Variants in NR6A1 observed in about 807,000 individuals in gnomAD.
The protein encoded by NR6A1 is nuclear receptor subfamily 6 group A member 1.
Under a neutral mutation model 59.1 loss-of-function variants are expected in NR6A1, and 7 were observed. That is an observed-to-expected ratio of 0.12 (90% CI 0.07 to 0.22). The LOEUF is 0.22. Ranked by LOEUF, NR6A1 falls within the 10% of genes least tolerant of loss-of-function variation. NR6A1 has a pLI of 1.00. For missense variants in NR6A1, 468 were observed against 611.6 expected, an observed-to-expected ratio of 0.77 and a Z score of 2.48; for synonymous variants, 243 against 236.1, an observed-to-expected ratio of 1.03 and a Z score of -0.27.
At chr9:124,654,875 T>TACACACACACACACACACACACAC (rs3983841) in intron 2 of NR6A1, among the ~76,000 whole-genome samples, 10 of 123,874 alleles carry the variant, frequency 8.1e-5, no homozygotes, top group Non-Finnish European at 1.3e-4. Context: ...TTTTTTTTTG[T>TACACACACACACACACACACACAC]ACACACACAC....
chr9:124,662,631 C>G (rs1314704485), intron 2 of NR6A1, among the ~76,000 whole-genome samples: 2 of 152,128 alleles, frequency 1.3e-5, no homozygotes, highest in Non-Finnish European at 2.9e-5. Context: ...ACAAGGCAAG[C>G]CTTCATAAAC....
rs188654930 is a variant in NR6A1 at position 124,584,208 on chromosome 9, A to G, written c.143-29638T>C. ...CTGCAACCTCCACCTCCCACGTTCA[A>G]GCGATTCTCCTGCCTCAGCCTCCCG... On this transcript the variant is annotated intron_variant, in intron 2 of 9. Transcript: ENST00000487099. 1.3e-3 allele frequency among the ~76,000 whole-genome samples: 201 copies of G among 151,734 alleles called. 2 individuals carry two copies. The highest frequency in any genetic ancestry group is 4.4e-3 in the African/African-American group (180 of 41,352).
chr9:124,724,218 A>G (rs1162186965), intron 2 of NR6A1, among the ~76,000 whole-genome samples: 2 of 152,184 alleles, frequency 1.3e-5, no homozygotes, highest in East Asian at 3.9e-4. Flanking sequence ...CTAATTATGT[A>G]AAAGATGAGC....
intron 2 of NR6A1, among the ~76,000 whole-genome samples, chr9:124,590,089 A>AAAAAAAAAT (rs1564192481): frequency 6.7e-6 from 1 of 149,458 alleles, no homozygotes; most frequent in Non-Finnish European, 1.5e-5. Flanking sequence ...AAAAAAAAAA[A>AAAAAAAAAT]AGCAAAGCTA....
intron 1 of NR6A1, among the ~76,000 whole-genome samples, chr9:124,736,700 G>T (rs1840029546): frequency 6.6e-6 from 1 of 151,948 alleles, no homozygotes; most frequent in Non-Finnish European, 1.5e-5. Context: ...ACAAAAGTTA[G>T]CCAGGTGTGG....
intron 2 of NR6A1, among the ~76,000 whole-genome samples, chr9:124,669,390 G>A (rs1837720032): frequency 6.6e-6 from 1 of 152,076 alleles, no homozygotes; most frequent in Non-Finnish European, 1.5e-5. Flanking sequence ...AATACTTACT[G>A]AACAACTTTG....
At chr9:124,740,434 T>C (rs1056607441) in intron 1 of NR6A1, among the ~76,000 whole-genome samples, 6 of 151,912 alleles carry the variant, frequency 3.9e-5, no homozygotes, top group African/African-American at 1.5e-4. Context: ...ACTTAGTCAA[T>C]TGCAATTCAA....
At position 124,611,774 on chromosome 9, in the gene NR6A1, A is replaced by AGAGAGAGAGAATGAGAGAGAAT. The variant is rs148472095; in HGVS notation, c.143-57205_143-57204insATTCTCTCTCATTCTCTCTCTC. On this transcript the variant is annotated intron_variant, in intron 2 of 9. Transcript: ENST00000487099. ...TAGAGAGAGAGAGAGAGAGAGAGAG[A>AGAGAGAGAGAATGAGAGAGAAT]GAGAGAGAATGAGAGAGAATGAGAG... 6.9e-4 allele frequency among the ~76,000 whole-genome samples: 73 copies of AGAGAGAGAGAATGAGAGAGAAT among 105,716 alleles called. 1 individual carries two copies. The highest frequency in any genetic ancestry group is 3.0e-3 in the African/African-American group (65 of 21,528). 69.4% of individuals were successfully genotyped at this position (105,716 alleles called of 152,430 possible). A position where few individuals can be genotyped will look rare whatever the true frequency, so the allele number is the denominator to read the frequency against.
At position 124,677,448 on chromosome 9, in the gene NR6A1, G is replaced by A. The variant is rs1027386976; in HGVS notation, c.142+55860C>T. ...AATTTTTGTATTTTTTTGTAGAGAC[G>A]GGGTTTCATCATGTTGCCCAGGCTA... On this transcript the variant is annotated intron_variant, in intron 2 of 9. Transcript: ENST00000487099. Among the ~76,000 whole-genome samples the A allele has an allele frequency of 3.0e-4, 46 of 151,816 alleles. 1 individual carries two copies. The highest frequency in any genetic ancestry group is 3.4e-4 in the Non-Finnish European group (23 of 67,942).
At chr9:124,588,944 A>AAAAC (rs1301694693) in intron 2 of NR6A1, among the ~76,000 whole-genome samples, 2 of 151,388 alleles carry the variant, frequency 1.3e-5, no homozygotes, top group African/African-American at 2.4e-5. Context: ...GAAAGAAAAA[A>AAAAC]AAAACAGTAT....
rs149592804 is a variant in NR6A1, at chr9:124,714,676, T to C, written c.142+18632A>G. Among the ~76,000 whole-genome samples the C allele has an allele frequency of 1.8e-3, 275 of 152,258 alleles. 3 individuals are homozygous for C. The highest frequency in any genetic ancestry group is 2.7e-3 in the Non-Finnish European group (186 of 68,016). On this transcript the variant is annotated intron_variant, in intron 2 of 9. Coordinates refer to ENST00000487099, the MANE Select transcript of NR6A1 (RefSeq NM_033334.4). The stretch of plus-strand genomic sequence containing the variant: ...TTTTAAAGTTACTAGAACTAACAAA[T>C]TTAACAATGTCACAAGATACAAATA...
At chr9:124,682,763 C>T (rs1409557860) in intron 2 of NR6A1, among the ~76,000 whole-genome samples, 1 of 152,132 alleles carries the variant, frequency 6.6e-6, no homozygotes, top group Non-Finnish European at 1.5e-5. Context: ...GTCACTGGGA[C>T]CAGAAAGTTT....
intron 2 of NR6A1, among the ~76,000 whole-genome samples, chr9:124,687,198 T>C (rs1028507419): frequency 1.3e-5 from 2 of 151,962 alleles, no homozygotes; most frequent in African/African-American, 4.8e-5. Flanking sequence ...TAGAGCTCAC[T>C]GTAGCCTCAA....
In NR6A1 at chr9:124,520,937, C is replaced by T. The variant is rs1209899604; in HGVS notation, c.*1768G>A. On this transcript the variant is annotated 3_prime_UTR_variant, in exon 10 of 10. Transcript: ENST00000487099. ...GATCCATCAAGGGCCAAAATCATCACTCTGCTGGTACCCGTAACATTTCAC... is the reference window on the plus strand; with the variant it reads ...GATCCATCAAGGGCCAAAATCATCATTCTGCTGGTACCCGTAACATTTCAC... 6.6e-6 allele frequency: 1 copy of T among 152,240 alleles called. No homozygotes were observed. The highest frequency in any genetic ancestry group is 1.5e-5 in the Non-Finnish European group (1 of 68,050). 9.4% of individuals were successfully genotyped at this position (152,240 alleles called of 1,614,324 possible). A position where few individuals can be genotyped will look rare whatever the true frequency, so the allele number is the denominator to read the frequency against.
intron 5 of NR6A1, among the ~76,000 whole-genome samples, chr9:124,538,852 A>AT (rs1833359875): frequency 6.6e-6 from 1 of 151,240 alleles, no homozygotes; most frequent in Admixed American, 6.6e-5. Flanking sequence ...ACAAAGGTAG[A>AT]TTTTTGCCTT....
At chr9:124,638,945 G>A (rs574957010) in intron 2 of NR6A1, among the ~76,000 whole-genome samples, 10 of 152,148 alleles carry the variant, frequency 6.6e-5, no homozygotes, top group Admixed American at 2.6e-4. Flanking sequence ...TTGTCTTTAC[G>A]GGAAGCTGAT....
In NR6A1 at chr9:124,771,253, CCCGAGCCGCCCG is replaced by C; in HGVS notation, c.-146_-135del. On this transcript the variant is annotated 5_prime_UTR_variant, in exon 1 of 10. Transcript: ENST00000487099. ...CTCCCGGCCGCGGCTCTCTCTGGGCCCCGAGCCGCCCGGCTCCGCGCCGCTCCGCGCCCCTCC... is the reference window on the plus strand; with the variant it reads ...CTCCCGGCCGCGGCTCTCTCTGGGCCGCTCCGCGCCGCTCCGCGCCCCTCC... 1 of 438,370 alleles carries C rather than the reference CCCGAGCCGCCCG, an allele frequency of 2.3e-6. No homozygotes were observed. The allele number at this position is 438,370 out of a possible 1,614,324, so 27.2% of individuals were successfully genotyped here. A position where few individuals can be genotyped will look rare whatever the true frequency, so the allele number is the denominator to read the frequency against.
intron 1 of NR6A1, among the ~76,000 whole-genome samples, chr9:124,739,976 A>G (rs1236798238): frequency 1.3e-5 from 2 of 152,196 alleles, no homozygotes; most frequent in African/African-American, 4.8e-5. Context: ...AGGCCCTTAA[A>G]AGGTAAAATT....
chr9:124,709,242 A>G (rs1456441445), intron 2 of NR6A1, among the ~76,000 whole-genome samples: 10 of 152,128 alleles, frequency 6.6e-5, no homozygotes, highest in Non-Finnish European at 1.3e-4. Context: ...CATGTCAGAT[A>G]ATTTCTCTGT....
Sources: gnomAD v4.1 joint callset for allele counts (sites outside exome capture counted in the v4.1 genomes callset) on GRCh38, gnomAD v4.1.1 for gene constraint, MANE v1.5 for transcripts, NCBI Gene and HGNC (gene_info 2026-07-23, HGNC 2026-07-21) for gene names.